ARHGEF3: variants seen among roughly 807,000 people sequenced by gnomAD.
The protein encoded by ARHGEF3 is 59.8 kDA protein.
Under a neutral mutation model 63.2 loss-of-function variants are expected in ARHGEF3, and 28 were observed. The observed-to-expected ratio is 0.44, with a 90% CI of 0.33 to 0.61. The LOEUF is 0.61. Among genes scored for constraint, ARHGEF3 ranks in the 20% least tolerant of loss-of-function variants. ARHGEF3 has a pLI of 0.03. For synonymous variants in ARHGEF3, 266 were observed against 254.2 expected (o/e 1.05, Z -0.44); for missense variants, 533 against 659.3 (o/e 0.81, Z 2.10).
At chr3:56,835,418 C>T (rs1460110707) in intron 4 of ARHGEF3, among the ~76,000 whole-genome samples, 1 of 152,024 alleles carries the variant, frequency 6.6e-6, no homozygotes, top group Non-Finnish European at 1.5e-5. Context: ...TCAGGTGATC[C>T]ACCCGCCTCG....
At chr3:56,878,303 C>T (rs892796185) in intron 4 of ARHGEF3, among the ~76,000 whole-genome samples, 13 of 152,166 alleles carry the variant, frequency 8.5e-5, no homozygotes, top group Non-Finnish European at 4.4e-5. Flanking sequence ...AGGGGAGATT[C>T]GTAGGTGGCT....
intron 4 of ARHGEF3, among the ~76,000 whole-genome samples, chr3:56,840,983 A>C (rs763628134): frequency 6.6e-6 from 1 of 152,190 alleles, no homozygotes; most frequent in Non-Finnish European, 1.5e-5. Flanking sequence ...AAGCAGTACC[A>C]AAGAAAGCTG....
In ARHGEF3 at chr3:56,728,503, G is replaced by C. The variant is rs2107671580; in HGVS notation, c.*767C>G. On this transcript the variant is annotated 3_prime_UTR_variant, in exon 10 of 10. Coordinates refer to ENST00000296315, the MANE Select transcript of ARHGEF3 (RefSeq NM_019555.3). ...CTGGCAGGCCTTCCTAAGCCCTTTG[G>C]GTTCTATTCTGATGTTTTAGGCTAG... 6.5e-6 allele frequency: 1 copy of C among 152,698 alleles called. No homozygotes were observed. Among genetic ancestry groups the C allele is most frequent in the South Asian group, 2.1e-4 (1 of 4,816 alleles). The allele number at this position is 152,698 out of a possible 1,614,324, so 9.5% of individuals were successfully genotyped here. A position where few individuals can be genotyped will look rare whatever the true frequency, so the allele number is the denominator to read the frequency against.
chr3:56,796,487 A>C (rs1297587901), intron 1 of ARHGEF3, among the ~76,000 whole-genome samples: 2 of 152,146 alleles, frequency 1.3e-5, no homozygotes, highest in Non-Finnish European at 2.9e-5. Context: ...AGAAACACAA[A>C]ATGAAAATTA....
At chr3:56,853,890 T>C (rs974397237) in intron 4 of ARHGEF3, among the ~76,000 whole-genome samples, 1 of 151,998 alleles carries the variant, frequency 6.6e-6, no homozygotes, top group African/African-American at 2.4e-5. Flanking sequence ...GGGCTCTCAG[T>C]AGAAGTTACA....
intron 3 of ARHGEF3, among the ~76,000 whole-genome samples, chr3:56,884,928 A>G (rs900610393): frequency 1.3e-5 from 2 of 152,228 alleles, no homozygotes; most frequent in Admixed American, 1.3e-4. Context: ...TCAAAGTTAC[A>G]TGGTTACAGC....
rs143936569 is a variant in ARHGEF3 at position 56,728,131 on chromosome 3, G to A, written c.*1139C>T. The A allele has an allele frequency of 1.3e-5, 2 of 152,744 alleles. No homozygotes were observed. Among genetic ancestry groups the A allele is most frequent in the East Asian group, 3.9e-4 (2 of 5,186 alleles). 9.5% of individuals were successfully genotyped at this position (152,744 alleles called of 1,614,324 possible). A position where few individuals can be genotyped will look rare whatever the true frequency, so the allele number is the denominator to read the frequency against. ...AAAGAGGTTACTAATCTGGCTAGCT[G>A]ATTCTAATTAATCAGAGTTAATGAA... On this transcript the variant is annotated 3_prime_UTR_variant, in exon 10 of 10. Coordinates refer to ENST00000296315, the MANE Select transcript of ARHGEF3 (RefSeq NM_019555.3).
intron 3 of ARHGEF3, among the ~76,000 whole-genome samples, chr3:56,918,510 TAGCAGTGG>T (rs2042041956): frequency 6.6e-6 from 1 of 152,156 alleles, no homozygotes; most frequent in Non-Finnish European, 1.5e-5. Context: ...CCAGGGCAGG[TAGCAGTGG>T]AGCAGGGAGG....
At chr3:56,996,890 ATTTTTT>A (rs534187681) in intron 2 of ARHGEF3, among the ~76,000 whole-genome samples, 4 of 136,510 alleles carry the variant, frequency 2.9e-5, no homozygotes, top group Admixed American at 7.4e-5. Context: ...TATTATTATT[ATTTTTT>A]TTTTTTTTTG....
At chr3:56,937,603 A>T (rs1230113464) in intron 3 of ARHGEF3, among the ~76,000 whole-genome samples, 1 of 152,244 alleles carries the variant, frequency 6.6e-6, no homozygotes, top group Non-Finnish European at 1.5e-5. Context: ...GAAGGCAGAC[A>T]TCCCTTCTCC....
intron 2 of ARHGEF3, among the ~76,000 whole-genome samples, chr3:56,988,072 C>A (rs1701611411): frequency 6.6e-6 from 1 of 152,158 alleles, no homozygotes; most frequent in South Asian, 2.1e-4. Context: ...CACAAAACCT[C>A]AGAAGTTCCA....
rs563126197 is a variant in ARHGEF3, at chr3:56,908,399, C to T, written c.130-26045G>A. ...CTCAGCACAAATGTCCCCATCTCCG[C>T]GTCCGTATACACAGCTCTGGGCAAG... is the stretch of plus-strand genomic sequence containing the variant. On this transcript the variant is annotated intron_variant, in intron 3 of 12. Coordinates refer to the ARHGEF3 transcript ENST00000338458. Among the ~76,000 whole-genome samples, 11 of 152,302 alleles carry T rather than the reference C, an allele frequency of 7.2e-5. No homozygotes were observed. The East Asian group carries it at 9.6e-4, about 13-fold the overall frequency.
chr3:56,886,370 G>A (rs9311626), intron 3 of ARHGEF3, among the ~76,000 whole-genome samples: 6,842 of 152,154 alleles, frequency 0.045, 506 homozygotes, highest in African/African-American at 0.15. Context: ...TGCCCAACTC[G>A]AGAGGGCCAC....
intron 2 of ARHGEF3, among the ~76,000 whole-genome samples, chr3:56,988,292 G>T (rs6770344): frequency 0.37 from 55,531 of 151,754 alleles, 10,712 homozygotes; most frequent in East Asian, 0.71. Flanking sequence ...GACTACAGAC[G>T]CACGCCACCA....
At chr3:57,025,081 C>T (rs1212671535) in intron 2 of ARHGEF3, among the ~76,000 whole-genome samples, 1 of 152,122 alleles carries the variant, frequency 6.6e-6, no homozygotes, top group South Asian at 2.1e-4. Flanking sequence ...AAACACAGAA[C>T]GTGGATCTGA....
rs573494440 is a variant in ARHGEF3 at position 57,029,522 on chromosome 3, G to A, written c.62+5566C>T. ...AAGACCCAATCCAGCACATCCCTGG[G>A]GTGATCTCTACAGTAGCAGATGTAG... is the stretch of plus-strand genomic sequence containing the variant. On this transcript the variant is annotated intron_variant, in intron 2 of 12. Coordinates refer to the ARHGEF3 transcript ENST00000338458. 1.4e-3 allele frequency among the ~76,000 whole-genome samples: 213 copies of A among 152,256 alleles called. 1 individual carries two copies. The highest frequency in any genetic ancestry group is 4.9e-3 in the African/African-American group (202 of 41,548).
chr3:56,804,898 CG>C (rs2037805735), upstream of ARHGEF3, among the ~76,000 whole-genome samples: 2 of 152,174 alleles, frequency 1.3e-5, no homozygotes, highest in South Asian at 4.2e-4. Flanking sequence ...CAGTGACATG[CG>C]TCACTCAGGG....
At chr3:56,735,142 A>G (rs1173986973) in intron 8 of ARHGEF3, among the ~76,000 whole-genome samples, 1 of 152,094 alleles carries the variant, frequency 6.6e-6, no homozygotes, top group Non-Finnish European at 1.5e-5. Flanking sequence ...AAATTAGCCA[A>G]GCGTGGTGTT....
intron 2 of ARHGEF3, among the ~76,000 whole-genome samples, chr3:57,023,855 G>T (rs1340131110): frequency 6.6e-6 from 1 of 152,208 alleles, no homozygotes; most frequent in Non-Finnish European, 1.5e-5. Flanking sequence ...TCACTGCCCT[G>T]GGAATAGCTT....
Sources: gnomAD v4.1 joint callset for allele counts (sites outside exome capture counted in the v4.1 genomes callset) on GRCh38, gnomAD v4.1.1 for gene constraint, MANE v1.5 for transcripts, NCBI Gene and HGNC (gene_info 2026-07-23, HGNC 2026-07-21) for gene names.